TMEM132B: variants seen among roughly 807,000 people sequenced by gnomAD.
TMEM132B encodes transmembrane protein 132B.
In TMEM132B, 18 loss-of-function variants were observed where a neutral mutation model predicts 90.8. That is an observed-to-expected ratio of 0.20 (90% CI 0.14 to 0.29). The LOEUF (loss-of-function observed/expected upper bound fraction) is 0.29, where lower values mean the gene tolerates loss of function less well. Ranked by LOEUF, TMEM132B falls within the 10% of genes least tolerant of loss-of-function variation. The probability of loss-of-function intolerance (pLI) is 1.00; values close to 1 mark genes in which losing one functional copy is unlikely to be tolerated. For missense variants in TMEM132B, 1,096 were observed against 1,326.8 expected (o/e 0.83, Z 2.70); for synonymous variants, 504 against 523.3 (o/e 0.96, Z 0.50).
chr12:125,268,566 C>T (rs964323662), intron 1 of TMEM132B, among the ~76,000 whole-genome samples: 4 of 152,200 alleles, frequency 2.6e-5, no homozygotes, highest in Admixed American at 2.0e-4. Flanking sequence ...ACGTGCAGAA[C>T]AGTGCATATA....
At chr12:125,211,531 G>A (rs1490736151) in intron 1 of TMEM132B, among the ~76,000 whole-genome samples, 1 of 152,182 alleles carries the variant, frequency 6.6e-6, no homozygotes, top group East Asian at 1.9e-4. Context: ...CATCTCCAGG[G>A]CATAGAATGT....
intron 4 of TMEM132B, among the ~76,000 whole-genome samples, chr12:125,556,410 A>G (rs1447187654): frequency 6.6e-6 from 1 of 152,246 alleles, no homozygotes; most frequent in Non-Finnish European, 1.5e-5. Context: ...GTTCATGGGA[A>G]GAGCTAAGAG....
chr12:125,499,862 C>G (rs140025071), intron 3 of TMEM132B, among the ~76,000 whole-genome samples: 1,858 of 152,312 alleles, frequency 0.012, 8 homozygotes, highest in Middle Eastern at 0.034. Flanking sequence ...AAATTACTGA[C>G]GCACACACTA....
chr12:125,233,011 C>T (rs978130009), intron 1 of TMEM132B, among the ~76,000 whole-genome samples: 2 of 152,112 alleles, frequency 1.3e-5, no homozygotes, highest in African/African-American at 4.8e-5. Flanking sequence ...GATTCCATAC[C>T]ACTGTGAGTG....
chr12:125,644,911 G>A (rs1031732295), intron 6 of TMEM132B, among the ~76,000 whole-genome samples: 1 of 152,150 alleles, frequency 6.6e-6, no homozygotes, highest in Admixed American at 6.5e-5. Flanking sequence ...CCAGAACTCA[G>A]TGAATGGATA....
At chr12:125,281,069 G>T (rs1875154795) in intron 1 of TMEM132B, among the ~76,000 whole-genome samples, 1 of 152,228 alleles carries the variant, frequency 6.6e-6, no homozygotes, top group African/African-American at 2.4e-5. Context: ...TTTGGCCTTG[G>T]GGTGGAGAGG....
Position 125,498,091 on chromosome 12 carries a change from C to CA in TMEM132B, c.1107-21347dup, listed in dbSNP as rs1031629904. On this transcript the variant is annotated intron_variant, in intron 3 of 8. Transcript: ENST00000682704. The surrounding 1 kb of genome is among the most constrained non-coding windows in gnomAD (Gnocchi z 4.5). ...TTAAATGATCAGTCCAGACCTGACA[C>CA]ACGCTGCTTTATTTACCACTCACTG... is the stretch of plus-strand genomic sequence containing the variant. Among the ~76,000 whole-genome samples, 1 of 152,246 alleles carries CA rather than the reference C, an allele frequency of 6.6e-6. No homozygotes were observed. The highest frequency in any genetic ancestry group is 1.5e-5 in the Non-Finnish European group (1 of 68,046).
chr12:125,599,987 A>G (rs1030432677), intron 5 of TMEM132B, among the ~76,000 whole-genome samples: 1 of 152,180 alleles, frequency 6.6e-6, no homozygotes, highest in Non-Finnish European at 1.5e-5. Context: ...ATGAGTTAGG[A>G]GGCGACAATG....
rs201141354 is a variant in TMEM132B, at chr12:125,401,633, GT to G, written c.960-13896del. On this transcript the variant is annotated intron_variant, in intron 2 of 8. Transcript: ENST00000682704. ...GTTTTAGGAACCACGAGGAGCCAGT[GT>G]TCTGTTCCCCACCAACATACAATAT... Among the ~76,000 whole-genome samples, 194 of 152,272 alleles carry G rather than the reference GT, an allele frequency of 1.3e-3. 1 individual carries two copies. The Middle Eastern group carries it at 0.017, about 13-fold the overall frequency.
chr12:125,399,871 A>G lies in TMEM132B; in HGVS notation c.960-15660A>G, dbSNP rs188038166. ...GCTATCATTTGGTTGGGGAAACAACATAACGACTGTCTCATTGAGGCATAG... is the reference window on the plus strand; with the variant it reads ...GCTATCATTTGGTTGGGGAAACAACGTAACGACTGTCTCATTGAGGCATAG... On this transcript the variant is annotated intron_variant, in intron 2 of 8. Transcript: ENST00000682704. Among the ~76,000 whole-genome samples, 561 of 150,204 alleles carry G rather than the reference A, an allele frequency of 3.7e-3. 4 individuals are homozygous for G. Among genetic ancestry groups the G allele is most frequent in the African/African-American group, 0.013 (536 of 40,630 alleles).
rs925401633 is a variant in TMEM132B at position 125,407,483 on chromosome 12, G to T, written c.960-8048G>T. Among the ~76,000 whole-genome samples, 11 of 152,330 alleles carry T rather than the reference G, an allele frequency of 7.2e-5. No individual in the cohort carries two copies. Among genetic ancestry groups the T allele is most frequent in the East Asian group, 1.9e-4 (1 of 5,180 alleles). ...GCTATGGGCTGGGAAAGACATATGG[G>T]GAGTGAGATGGAGAAGGTGTGACCC... is the stretch of plus-strand genomic sequence containing the variant. On this transcript the variant is annotated intron_variant, in intron 2 of 8. Coordinates refer to ENST00000682704, the MANE Select transcript of TMEM132B (RefSeq NM_001366854.1). This position sits in a 1 kb window ranked among gnomAD's most constrained non-coding sequence, Gnocchi z 6.7.
intron 5 of TMEM132B, among the ~76,000 whole-genome samples, chr12:125,598,475 A>G (rs909806134): frequency 6.6e-6 from 1 of 152,182 alleles, no homozygotes; most frequent in Non-Finnish European, 1.5e-5. Context: ...TCAATATGCC[A>G]TCTGCAACTT....
chr12:125,579,760 C>T (rs1885011842), intron 4 of TMEM132B, among the ~76,000 whole-genome samples: 1 of 152,070 alleles, frequency 6.6e-6, no homozygotes, highest in South Asian at 2.1e-4. Context: ...GTAGTAGGTC[C>T]AATACCTTAG....
intron 5 of TMEM132B, among the ~76,000 whole-genome samples, chr12:125,627,851 A>G (rs1886270692): frequency 6.6e-6 from 1 of 152,004 alleles, no homozygotes; most frequent in Non-Finnish European, 1.5e-5. Flanking sequence ...CCATCCTTCC[A>G]CTATCTTCGT....
intron 1 of TMEM132B, among the ~76,000 whole-genome samples, chr12:125,261,208 T>C (rs1874560303): frequency 6.6e-6 from 1 of 152,234 alleles, no homozygotes; most frequent in Non-Finnish European, 1.5e-5. Context: ...CTGTTTTCAG[T>C]GCCCATTTTT....
chr12:125,240,890 A>G (rs1874048080), intron 1 of TMEM132B, among the ~76,000 whole-genome samples: 1 of 152,208 alleles, frequency 6.6e-6, no homozygotes, highest in African/African-American at 2.4e-5. Flanking sequence ...CCCATGCCTG[A>G]CGGAGAGCAC....
At chr12:125,342,544 A>G (rs1001997715) in intron 1 of TMEM132B, among the ~76,000 whole-genome samples, 2 of 152,214 alleles carry the variant, frequency 1.3e-5, no homozygotes, top group African/African-American at 4.8e-5. Context: ...CTATAAGGGA[A>G]GATAGAGGCA....
chr12:125,640,560 C>T (rs1264109004), intron 5 of TMEM132B, among the ~76,000 whole-genome samples: 1 of 152,162 alleles, frequency 6.6e-6, no homozygotes, highest in Non-Finnish European at 1.5e-5. Context: ...GGCATTAGGG[C>T]CTGGTAGGCC....
intron 2 of TMEM132B, among the ~76,000 whole-genome samples, chr12:125,353,873 CTT>C (rs1877678217): frequency 6.6e-6 from 1 of 152,216 alleles, no homozygotes; most frequent in Non-Finnish European, 1.5e-5. Context: ...AGAGTATTAT[CTT>C]CTTGGTAAGT....
Sources: gnomAD v4.1 joint callset for allele counts (sites outside exome capture counted in the v4.1 genomes callset) on GRCh38, gnomAD v4.1.1 for gene constraint, Gnocchi (gnomAD v3.1) non-coding constraint, MANE v1.5 for transcripts, NCBI Gene and HGNC (gene_info 2026-07-23, HGNC 2026-07-21) for gene names.